OPCML: variants seen among roughly 807,000 people sequenced by gnomAD.
OPCML encodes opioid binding protein/cell adhesion molecule like.
OPCML carries 13 observed loss-of-function variants against 37.8 expected under a neutral mutation model. The ratio of observed to expected loss-of-function variants is 0.34; its 90% confidence interval spans 0.22 to 0.55. The LOEUF is 0.55. OPCML is among the 20% of genes least tolerant of loss of function. The probability of loss-of-function intolerance (pLI) is 0.91; values close to 1 mark genes in which losing one functional copy is unlikely to be tolerated. For missense variants in OPCML, 341 were observed against 435.6 expected (o/e 0.78, Z 1.93); for synonymous variants, 176 against 168.8 (o/e 1.04, Z -0.33).
chr11:133,276,587 C>T (rs758359712), intron 1 of OPCML, among the ~76,000 whole-genome samples: 2 of 152,202 alleles, frequency 1.3e-5, no homozygotes, highest in Non-Finnish European at 2.9e-5. Flanking sequence ...CTGACCTTGG[C>T]AGCTCTGACA....
chr11:132,883,083 G>A (rs2725431), intron 2 of OPCML, among the ~76,000 whole-genome samples: 4 of 152,206 alleles, frequency 2.6e-5, no homozygotes, highest in East Asian at 1.9e-4. Context: ...AAAATGGTCC[G>A]ATCTGAGGGG....
intron 2 of OPCML, among the ~76,000 whole-genome samples, chr11:132,914,258 A>G (rs960951738): frequency 6.6e-6 from 1 of 152,178 alleles, no homozygotes; most frequent in African/African-American, 2.4e-5. Context: ...AGACTCTTCG[A>G]TATCTCCACA....
chr11:133,035,843 G>A (rs763778815), intron 1 of OPCML, among the ~76,000 whole-genome samples: 1 of 152,080 alleles, frequency 6.6e-6, no homozygotes, highest in Non-Finnish European at 1.5e-5. Flanking sequence ...CCTTGAGGCT[G>A]AATAAGGTTA....
At chr11:132,519,027 C>T (rs930409189) in intron 4 of OPCML, among the ~76,000 whole-genome samples, 7 of 152,272 alleles carry the variant, frequency 4.6e-5, no homozygotes, top group Middle Eastern at 3.4e-3. Flanking sequence ...AGTGAAGAAT[C>T]TAAGCATCAT....
Position 132,747,814 on chromosome 11 carries a change from T to C in OPCML, c.147-90495A>G, listed in dbSNP as rs150615936. Among the ~76,000 whole-genome samples, 1,315 of 152,272 alleles carry C rather than the reference T, an allele frequency of 8.6e-3. 13 individuals are homozygous for C. The highest frequency in any genetic ancestry group is 0.03 in the African/African-American group (1,238 of 41,554). ...CAAGTTAATGGCAGATGCAATATGC[T>C]GTTTTGGCGACGTAGTGTATATATA... On this transcript the variant is annotated intron_variant, in intron 2 of 7. Coordinates refer to ENST00000524381, the MANE Select transcript of OPCML (RefSeq NM_001012393.5).
chr11:132,712,429 T>C (rs1296334203), intron 2 of OPCML, among the ~76,000 whole-genome samples: 1 of 152,150 alleles, frequency 6.6e-6, no homozygotes, highest in Non-Finnish European at 1.5e-5. Context: ...GAATTGTCTG[T>C]ATTTATTTTA....
intron 2 of OPCML, among the ~76,000 whole-genome samples, chr11:132,833,775 C>T (rs1215476100): frequency 6.6e-6 from 1 of 152,080 alleles, no homozygotes; most frequent in Non-Finnish European, 1.5e-5. Flanking sequence ...TCATATGGGA[C>T]CACCATTGTA....
At chr11:133,419,521 A>C (rs1406205441) in intron 1 of OPCML, among the ~76,000 whole-genome samples, 1 of 152,212 alleles carries the variant, frequency 6.6e-6, no homozygotes, top group Non-Finnish European at 1.5e-5. Context: ...ATTACTTTCA[A>C]ATTATTTTAC....
chr11:133,328,102 A>C (rs1400559354), intron 1 of OPCML, among the ~76,000 whole-genome samples: 1 of 151,884 alleles, frequency 6.6e-6, no homozygotes, highest in African/African-American at 2.4e-5. Context: ...AATTACTTCT[A>C]TGCCTCATCT....
At position 132,437,303 on chromosome 11, in the gene OPCML, C is replaced by G; in HGVS notation, c.562G>C (p.Asp188His). The G allele has an allele frequency of 6.2e-7, 1 of 1,614,246 alleles. No homozygotes were observed. The highest frequency in any genetic ancestry group is 8.5e-7 in the Non-Finnish European group (1 of 1,180,056). ...EYLEISDIKR[D>H]QSGEYECSAL... ...CTGCATTCGTACTCCCCGGACTGGT[C>G]TCGCTTGATGTCAGAGATCTCCAGG... Residue 188 changes from aspartate (D) to histidine (H), a missense_variant, in exon 5 of 8, where the codon GAC (aspartate) becomes CAC (histidine). Coordinates refer to ENST00000524381, the MANE Select transcript of OPCML (RefSeq NM_001012393.5).
At chr11:132,554,011 A>G (rs1473156927) in intron 3 of OPCML, among the ~76,000 whole-genome samples, 1 of 152,174 alleles carries the variant, frequency 6.6e-6, no homozygotes, top group African/African-American at 2.4e-5. Flanking sequence ...GAGCTGGCCA[A>G]TGGAAAGCCT....
At chr11:132,612,072 A>G (rs1216047012) in intron 3 of OPCML, among the ~76,000 whole-genome samples, 1 of 152,236 alleles carries the variant, frequency 6.6e-6, no homozygotes, top group East Asian at 1.9e-4. Flanking sequence ...ATAACTATTA[A>G]GAGTATGGTA....
intron 1 of OPCML, among the ~76,000 whole-genome samples, chr11:133,512,448 A>G (rs1948180868): frequency 6.6e-6 from 1 of 152,238 alleles, no homozygotes; most frequent in African/African-American, 2.4e-5. Context: ...CCATGTCTTC[A>G]ACAATCCAGA....
intron 1 of OPCML, among the ~76,000 whole-genome samples, chr11:133,148,688 G>A (rs1329731486): frequency 6.6e-6 from 1 of 152,178 alleles, no homozygotes; most frequent in African/African-American, 2.4e-5. Context: ...CGCCCTCCAG[G>A]GGAGGAGGGG....
chr11:132,688,168 GTTT>G (rs113318678), intron 2 of OPCML, among the ~76,000 whole-genome samples: 2 of 144,834 alleles, frequency 1.4e-5, no homozygotes, highest in South Asian at 2.2e-4. Flanking sequence ...AGGAATCATG[GTTT>G]TTTTTTTTTA....
At chr11:132,535,328 GT>G (rs1366501575) in intron 3 of OPCML, among the ~76,000 whole-genome samples, 2 of 152,030 alleles carry the variant, frequency 1.3e-5, no homozygotes, top group Non-Finnish European at 2.9e-5. Context: ...CTTTTAAAAT[GT>G]TTTCTTTTAG....
chr11:133,388,946 G>C (rs927286005), intron 1 of OPCML, among the ~76,000 whole-genome samples: 1 of 152,140 alleles, frequency 6.6e-6, no homozygotes, highest in Non-Finnish European at 1.5e-5. Flanking sequence ...ATATATATGA[G>C]GTTCTTTCCC....
chr11:133,020,321 C>A (rs1255284722), intron 1 of OPCML, among the ~76,000 whole-genome samples: 1 of 152,236 alleles, frequency 6.6e-6, no homozygotes, highest in Non-Finnish European at 1.5e-5. Flanking sequence ...GACTGTGCTT[C>A]CTTCTCCATC....
chr11:133,272,265 A>G (rs538658993), intron 1 of OPCML, among the ~76,000 whole-genome samples: 57 of 152,106 alleles, frequency 3.7e-4, no homozygotes, highest in African/African-American at 1.1e-3. Flanking sequence ...AAAAAAAAAA[A>G]AAAAGAAAAC....
Sources: gnomAD v4.1 joint callset for allele counts (sites outside exome capture counted in the v4.1 genomes callset) on GRCh38, gnomAD v4.1.1 for gene constraint, MANE v1.5 for transcripts, NCBI Gene and HGNC (gene_info 2026-07-23, HGNC 2026-07-21) for gene names.